SLC39A11: variants seen among roughly 807,000 people sequenced by gnomAD.
SLC39A11 encodes the protein zinc transporter ZIP11.
Under a neutral mutation model 36.1 loss-of-function variants are expected in SLC39A11, and 33 were observed. That is an observed-to-expected ratio of 0.91 (90% CI 0.69 to 1.22). The LOEUF is 1.22. Among genes scored for constraint, SLC39A11 ranks in the 50% most tolerant of loss-of-function variants. The pLI is 0.00. For synonymous variants in SLC39A11, 166 were observed against 170.3 expected (o/e 0.97, Z 0.20); for missense variants, 432 against 430.3 (o/e 1.00, Z -0.03).
In SLC39A11 at chr17:73,014,290, C is replaced by T. The variant is rs377022164; in HGVS notation, c.306+17266G>A. The stretch of plus-strand genomic sequence containing the variant: ...GGAGGAATATGTTGCTGGGAACATT[C>T]AGTTCTCACTCCCTATCCCGGTGCA... On this transcript the variant is annotated intron_variant, in intron 4 of 9. Transcript: ENST00000255559. 3.8e-4 allele frequency among the ~76,000 whole-genome samples: 58 copies of T among 152,276 alleles called. 1 individual carries two copies. In the South Asian group the frequency reaches 0.012, roughly 31 times the overall value.
At chr17:72,860,819 C>A (rs980425320) in intron 5 of SLC39A11, among the ~76,000 whole-genome samples, 2 of 152,170 alleles carry the variant, frequency 1.3e-5, no homozygotes, top group African/African-American at 4.8e-5. Flanking sequence ...TCTGCCCATA[C>A]ATGTTCATGC....
intron 6 of SLC39A11, among the ~76,000 whole-genome samples, chr17:72,820,941 T>A (rs2077752282): frequency 6.6e-6 from 1 of 150,636 alleles, no homozygotes; most frequent in Admixed American, 6.6e-5. Context: ...GGCCTTGGAA[T>A]GTCTGCCGTA....
At chr17:72,882,799 T>TCTTTTTTTTTTTTTTCTTTTTC (rs2081262922) in intron 5 of SLC39A11, among the ~76,000 whole-genome samples, 2 of 87,398 alleles carry the variant, frequency 2.3e-5, no homozygotes, top group African/African-American at 8.4e-5. Flanking sequence ...GAATGCTTCT[T>TCTTTTTTTTTTTTTTCTTTTTC]TTTTTTTTTT....
chr17:72,936,859 G>A (rs2084804133), intron 5 of SLC39A11, among the ~76,000 whole-genome samples: 1 of 152,216 alleles, frequency 6.6e-6, no homozygotes, highest in South Asian at 2.1e-4. Context: ...GTTCACAACA[G>A]GGTTCTCGCT....
At chr17:72,673,585 G>C (rs1205205432) in intron 7 of SLC39A11, among the ~76,000 whole-genome samples, 1 of 151,840 alleles carries the variant, frequency 6.6e-6, no homozygotes, top group Non-Finnish European at 1.5e-5. Context: ...CTTTAGCCTT[G>C]TAGTATCTGT....
At chr17:72,698,459 C>CAA (rs61454778) in intron 7 of SLC39A11, among the ~76,000 whole-genome samples, 10 of 92,994 alleles carry the variant, frequency 1.1e-4, no homozygotes, top group South Asian at 3.9e-4. Context: ...TAATAAAAAC[C>CAA]AAAAAAAAAA....
intron 7 of SLC39A11, among the ~76,000 whole-genome samples, chr17:72,682,528 G>A (rs116765289): frequency 2.6e-5 from 4 of 152,290 alleles, no homozygotes; most frequent in African/African-American, 7.2e-5. Flanking sequence ...GGAGGGGGCC[G>A]GTGCCCCCAA....
At chr17:73,006,406 G>A (rs1404140756) in intron 4 of SLC39A11, among the ~76,000 whole-genome samples, 3 of 152,060 alleles carry the variant, frequency 2.0e-5, no homozygotes, top group South Asian at 2.1e-4. Flanking sequence ...TACAGCCCAC[G>A]AGCTAAGGAT....
chr17:72,658,702 C>T (rs767537566), intron 7 of SLC39A11, among the ~76,000 whole-genome samples: 4 of 152,192 alleles, frequency 2.6e-5, no homozygotes, highest in Non-Finnish European at 4.4e-5. Context: ...ATGAGTCAAA[C>T]ACATCTGGGT....
At chr17:72,674,208 ATCCT>A (rs1305759529) in intron 7 of SLC39A11, among the ~76,000 whole-genome samples, 2 of 151,404 alleles carry the variant, frequency 1.3e-5, no homozygotes, top group African/African-American at 4.9e-5. Context: ...GTCCTGTTTT[ATCCT>A]TCCAAGTATC....
chr17:72,648,349 AAAAACAAAAC>A (rs10587063), intron 9 of SLC39A11, among the ~76,000 whole-genome samples: 4 of 144,458 alleles, frequency 2.8e-5, no homozygotes, highest in Admixed American at 7.0e-5. Context: ...AAAAAAAAAG[AAAAACAAAAC>A]AAAACAAAAC....
chr17:73,064,134 G>A lies in SLC39A11; in HGVS notation c.147+20674C>T, dbSNP rs139881234. ...AGAAAGAAAACCTACGCACTGGTCGGTGTGAAGCCTCCCCTTCATCTGTGT... is the reference window on the plus strand; with the variant it reads ...AGAAAGAAAACCTACGCACTGGTCGATGTGAAGCCTCCCCTTCATCTGTGT... On this transcript the variant is annotated intron_variant, in intron 3 of 9. Coordinates refer to ENST00000255559, the MANE Select transcript of SLC39A11 (RefSeq NM_139177.4). 1.4e-3 allele frequency among the ~76,000 whole-genome samples: 213 copies of A among 152,248 alleles called. 5 individuals carry two copies. The South Asian group carries it at 0.018, about 13-fold the overall frequency.
chr17:72,753,847 A>G (rs2713967), intron 6 of SLC39A11, among the ~76,000 whole-genome samples: 36,605 of 142,842 alleles, frequency 0.26, 5,650 homozygotes, highest in African/African-American at 0.42. Flanking sequence ...TGGATCCAGC[A>G]ATCCCACTAC....
intron 7 of SLC39A11, among the ~76,000 whole-genome samples, chr17:72,669,580 G>A (rs1314811536): frequency 1.3e-5 from 2 of 152,200 alleles, no homozygotes; most frequent in Non-Finnish European, 2.9e-5. Flanking sequence ...AACTCGATGT[G>A]TCTTATTCCT....
intron 6 of SLC39A11, among the ~76,000 whole-genome samples, chr17:72,740,056 CTTTT>C (rs386386565): frequency 1.7e-4 from 14 of 81,458 alleles, no homozygotes; most frequent in Admixed American, 9.0e-4. Context: ...CTTTCCTTTT[CTTTT>C]TTTTTTTTTT....
At chr17:72,841,050 G>A (rs750118195) in intron 6 of SLC39A11, among the ~76,000 whole-genome samples, 5 of 152,084 alleles carry the variant, frequency 3.3e-5, no homozygotes, top group South Asian at 4.2e-4. Flanking sequence ...GCAAGACTCC[G>A]TCTCAAAAAA....
chr17:73,078,756 C>T (rs1340839784), intron 3 of SLC39A11, among the ~76,000 whole-genome samples: 1 of 152,046 alleles, frequency 6.6e-6, no homozygotes, highest in Non-Finnish European at 1.5e-5. Context: ...CTCAGCCTCC[C>T]AAAGTGCTGG....
At chr17:72,886,655 T>C (rs1227193697) in intron 5 of SLC39A11, among the ~76,000 whole-genome samples, 5 of 152,228 alleles carry the variant, frequency 3.3e-5, no homozygotes, top group Non-Finnish European at 7.3e-5. Context: ...TGTCAGCTCA[T>C]GGAACTCCCC....
chr17:72,713,407 G>A (rs1323971915), intron 7 of SLC39A11, among the ~76,000 whole-genome samples: 6 of 152,186 alleles, frequency 3.9e-5, no homozygotes, highest in African/African-American at 1.4e-4. Context: ...CCAGGGTGTA[G>A]ATGGGAGAGT....
Sources: gnomAD v4.1 joint callset for allele counts (sites outside exome capture counted in the v4.1 genomes callset) on GRCh38, gnomAD v4.1.1 for gene constraint, MANE v1.5 for transcripts, NCBI Gene and HGNC (gene_info 2026-07-23, HGNC 2026-07-21) for gene names.